Variants in SLIT3 observed in about 807,000 individuals in gnomAD.
SLIT3 encodes the protein slit homolog 3 protein.
A neutral mutation model predicts 184.0 loss-of-function variants in SLIT3; 68 were observed. The observed-to-expected ratio is 0.37, with a 90% CI of 0.30 to 0.45. The LOEUF (loss-of-function observed/expected upper bound fraction) is 0.45, where lower values mean the gene tolerates loss of function less well. Ranked by LOEUF, SLIT3 falls within the 20% of genes least tolerant of loss-of-function variation. The pLI is 1.00. For missense variants in SLIT3, 1,707 were observed against 2,026.0 expected (o/e 0.84, Z 3.02); for synonymous variants, 831 against 828.6 (o/e 1.00, Z -0.05).
chr5:168,969,349 C>T (rs1374296552), intron 4 of SLIT3, among the ~76,000 whole-genome samples: 9 of 152,144 alleles, frequency 5.9e-5, no homozygotes, highest in African/African-American at 2.2e-4. Context: ...TAATTTTCTC[C>T]TCAGTTGACA....
At chr5:168,699,534 A>G (rs1205989336) in intron 27 of SLIT3, among the ~76,000 whole-genome samples, 3 of 152,234 alleles carry the variant, frequency 2.0e-5, no homozygotes, top group Non-Finnish European at 4.4e-5. Context: ...GGAAGCAGGA[A>G]GGGGTCCTGA....
chr5:169,207,171 G>C (rs956267386), intron 3 of SLIT3, among the ~76,000 whole-genome samples: 1 of 151,776 alleles, frequency 6.6e-6, no homozygotes, highest in African/African-American at 2.4e-5. Context: ...CCCACCTCAG[G>C]CGAGCAGTTC....
intron 4 of SLIT3, among the ~76,000 whole-genome samples, chr5:168,896,080 A>G (rs1760651226): frequency 6.6e-6 from 1 of 152,138 alleles, no homozygotes; most frequent in Non-Finnish European, 1.5e-5. Context: ...TGTTTCTGAG[A>G]CTGTTCATCC....
intron 4 of SLIT3, among the ~76,000 whole-genome samples, chr5:168,934,663 T>TG (rs986810789): frequency 6.6e-6 from 1 of 152,022 alleles, no homozygotes; most frequent in Non-Finnish European, 1.5e-5. Flanking sequence ...CCTTTGAGAC[T>TG]GGGGAGGAGT....
At chr5:169,271,866 T>C (rs1374679269) in intron 1 of SLIT3, among the ~76,000 whole-genome samples, 1 of 152,146 alleles carries the variant, frequency 6.6e-6, no homozygotes, top group East Asian at 1.9e-4. Context: ...CATTATGGGG[T>C]AGAGCTCTGA....
chr5:168,792,503 A>G (rs1181174653), intron 10 of SLIT3, among the ~76,000 whole-genome samples: 1 of 152,204 alleles, frequency 6.6e-6, no homozygotes. Context: ...TATAAACTGG[A>G]TGACCAAGAA....
chr5:168,714,602 AC>A (rs1193829418), intron 23 of SLIT3, among the ~76,000 whole-genome samples: 1 of 152,096 alleles, frequency 6.6e-6, no homozygotes, highest in African/African-American at 2.4e-5. Flanking sequence ...AAACAAAAAA[AC>A]CCTGCAGAGT....
chr5:169,047,522 C>T (rs1757666905), intron 4 of SLIT3, among the ~76,000 whole-genome samples: 1 of 51,378 alleles, frequency 1.9e-5, no homozygotes, highest in South Asian at 3.9e-4. Context: ...ATGGAACCTA[C>T]CCTTCCATCT....
chr5:168,799,679 T>A (rs1442443779), intron 9 of SLIT3, among the ~76,000 whole-genome samples: 1 of 151,618 alleles, frequency 6.6e-6, no homozygotes, highest in Non-Finnish European at 1.5e-5. Context: ...CTGGAGTGTG[T>A]GGAAACATTG....
rs867999015 is a variant in SLIT3 at position 168,806,536 on chromosome 5, G to A, written c.845C>T (p.Ser282Leu). The change falls in exon 9 of 36, where the codon TCG becomes TTG. Residue 282 changes from serine (S) to leucine (L), a missense_variant. By Grantham distance (145) the Ser-to-Leu change is moderately radical. Coordinates refer to ENST00000519560, the MANE Select transcript of SLIT3 (RefSeq NM_003062.4). ...GATGTTATTGCTGCACGTGCAGGGCGAAGGGCAGGAGATGGAGTTGGCATT... is the reference window on the plus strand; with the variant it reads ...GATGTTATTGCTGCACGTGCAGGGCAAAGGGCAGGAGATGGAGTTGGCATT... ...SCNANSISCP[S>L]PCTCSNNIVD... The A allele has an allele frequency of 6.8e-6, 11 of 1,614,206 alleles. 1 individual carries two copies. Among genetic ancestry groups the A allele is most frequent in the Middle Eastern group, 1.6e-4 (1 of 6,062 alleles).
At chr5:168,844,414 C>T (rs145770292) in intron 6 of SLIT3, among the ~76,000 whole-genome samples, 170 bp downstream of exon 6, 42 of 152,246 alleles carry the variant, frequency 2.8e-4, no homozygotes, top group South Asian at 1.0e-3. Flanking sequence ...CCAAGGTGAG[C>T]CGGAGGGATC....
intron 4 of SLIT3, among the ~76,000 whole-genome samples, chr5:168,971,631 T>C (rs555135232): frequency 1.3e-5 from 2 of 152,354 alleles, no homozygotes; most frequent in South Asian, 4.1e-4. Flanking sequence ...GAGAAGTGGA[T>C]TTTGTTTTTA....
chr5:168,982,568 T>C (rs1754985358), intron 4 of SLIT3, among the ~76,000 whole-genome samples: 1 of 152,232 alleles, frequency 6.6e-6, no homozygotes, highest in Admixed American at 6.5e-5. Flanking sequence ...ATTTTTCTAG[T>C]AAGTTATTTT....
At chr5:169,037,595 A>T (rs1757301348) in intron 4 of SLIT3, 1 of 152,230 alleles carries the variant, frequency 6.6e-6, no homozygotes, top group South Asian at 2.1e-4. Context: ...CGCTAACATC[A>T]AAGCCTCGTC....
intron 4 of SLIT3, among the ~76,000 whole-genome samples, chr5:168,943,236 G>A (rs1380533508): frequency 6.6e-6 from 1 of 152,120 alleles, no homozygotes; most frequent in African/African-American, 2.4e-5. Flanking sequence ...AAGGGTTTGG[G>A]ATAACTTCCA....
chr5:168,946,904 T>C (rs183026983), intron 4 of SLIT3, among the ~76,000 whole-genome samples: 2 of 152,366 alleles, frequency 1.3e-5, no homozygotes, highest in African/African-American at 4.8e-5. Flanking sequence ...CATCTGATGA[T>C]AGAGAACAGG....
At chr5:169,119,325 G>A (rs912256447) in intron 4 of SLIT3, among the ~76,000 whole-genome samples, 1 of 152,200 alleles carries the variant, frequency 6.6e-6, no homozygotes, top group African/African-American at 2.4e-5. Context: ...CCCCTAGAAT[G>A]AGTTTCTGAT....
At chr5:168,969,614 G>A (rs1016163937) in intron 4 of SLIT3, among the ~76,000 whole-genome samples, 13 of 152,180 alleles carry the variant, frequency 8.5e-5, no homozygotes, top group South Asian at 2.1e-4. Context: ...GGGCTGCTCC[G>A]CTCAATCTGG....
chr5:168,985,800 C>A (rs1379520581), intron 4 of SLIT3, among the ~76,000 whole-genome samples: 1 of 151,622 alleles, frequency 6.6e-6, no homozygotes, highest in Non-Finnish European at 1.5e-5. Flanking sequence ...CAAATGGAGC[C>A]AATGCAGAAA....
Sources: allele counts gnomAD v4.1 joint callset (sites outside exome capture counted in the v4.1 genomes callset), GRCh38; gene constraint gnomAD v4.1.1; transcripts MANE v1.5; gene names NCBI Gene and HGNC (gene_info 2026-07-23, HGNC 2026-07-21).